The following MYO3B variants were observed in gnomAD, a reference collection of about 807,000 sequenced individuals.
MYO3B encodes the protein myosin-IIIb.
In MYO3B, 156 loss-of-function variants were observed where a neutral mutation model predicts 174.6. The observed-to-expected ratio is 0.89, with a 90% confidence interval of 0.78 to 1.02. The LOEUF is 1.02. Among genes scored for constraint, MYO3B ranks in the 50% least tolerant of loss-of-function variants. The probability of loss-of-function intolerance (pLI) is 0.00; values close to 1 mark genes in which losing one functional copy is unlikely to be tolerated. For synonymous variants in MYO3B, 563 were observed against 569.1 expected (o/e 0.99, Z 0.15); for missense variants, 1,632 against 1,639.4 (o/e 1.00, Z 0.08).
intron 22 of MYO3B, among the ~76,000 whole-genome samples, chr2:170,413,553 A>G (rs2094558984): frequency 6.6e-6 from 1 of 152,148 alleles, no homozygotes; most frequent in Non-Finnish European, 1.5e-5. Flanking sequence ...GAGACTGACT[A>G]GTGAGAGCCA....
intron 1 of MYO3B, among the ~76,000 whole-genome samples, chr2:170,193,778 T>A (rs963120223): frequency 1.3e-5 from 2 of 152,136 alleles, no homozygotes; most frequent in African/African-American, 4.8e-5. Flanking sequence ...AGTGAGAAAA[T>A]TAACATACAT....
At chr2:170,595,323 T>C (rs1344538028) in intron 32 of MYO3B, among the ~76,000 whole-genome samples, 1 of 152,218 alleles carries the variant, frequency 6.6e-6, no homozygotes, top group Non-Finnish European at 1.5e-5. Flanking sequence ...AGTTGTCTGG[T>C]GCAGCCTTAG....
chr2:170,369,450 C>T, intron 9 of MYO3B, 73 bp downstream of exon 9: 3 of 1,498,644 alleles, frequency 2.0e-6, no homozygotes, highest in Non-Finnish European at 2.7e-6. Context: ...TTGATTTGCC[C>T]AGCATTATTA....
rs560259108 is a variant in MYO3B, at chr2:170,267,898, G to C, written c.749+31762G>C. Among the ~76,000 whole-genome samples, 44 of 152,236 alleles carry C rather than the reference G, an allele frequency of 2.9e-4. 1 individual carries two copies. In the South Asian group the frequency reaches 8.5e-3, roughly 29 times the overall value. ...GGTTGGACAGAATCCATGTTGTAGG[G>C]AAAAAATGGATAAAGAAACTGTAGA... is the stretch of plus-strand genomic sequence containing the variant. On this transcript the variant is annotated intron_variant, in intron 7 of 34. Coordinates refer to ENST00000408978, the MANE Select transcript of MYO3B (RefSeq NM_138995.5).
intron 7 of MYO3B, among the ~76,000 whole-genome samples, chr2:170,261,093 G>A (rs2093342166): frequency 6.6e-6 from 1 of 152,102 alleles, no homozygotes; most frequent in South Asian, 2.1e-4. Flanking sequence ...ACACGATCTT[G>A]GCTCACCGCA....
At chr2:170,507,960 A>T (rs1687720268) in intron 28 of MYO3B, among the ~76,000 whole-genome samples, 1 of 152,180 alleles carries the variant, frequency 6.6e-6, no homozygotes, top group African/African-American at 2.4e-5. Context: ...ATGGAATAAA[A>T]TTATTGCCCA....
In MYO3B at chr2:170,369,237, T is replaced by C. The variant is rs1378474728; in HGVS notation, c.831T>C (p.Asp277=). The C allele has an allele frequency of 6.2e-7, 1 of 1,613,388 alleles. No individual in the cohort carries two copies. Among genetic ancestry groups the C allele is most frequent in the Non-Finnish European group, 8.5e-7 (1 of 1,179,514 alleles). Residue 277 remains aspartate (D), a synonymous_variant, in exon 9 of 35, where the codon GAT becomes GAC. Coordinates refer to ENST00000408978, the MANE Select transcript of MYO3B (RefSeq NM_138995.5). ...NHFISQCLIK[D]FERRPSVTHL... ...TTGCAAACAGGTGTCTTATTAAGGA[T>C]TTTGAAAGGCGACCTTCCGTCACAC...
At chr2:170,649,357 A>ATATATTATATATAAAATAATATATAT (rs1698806333) in intron 32 of MYO3B, among the ~76,000 whole-genome samples, 1 of 63,412 alleles carries the variant, frequency 1.6e-5, no homozygotes. Context: ...ATAATATATA[A>ATATATTATATATAAAATAATATATAT]TATATTATAT....
chr2:170,503,632 ATTTC>A (rs2106092185), intron 28 of MYO3B, among the ~76,000 whole-genome samples: 1 of 116,186 alleles, frequency 8.6e-6, no homozygotes, highest in Admixed American at 9.9e-5. Context: ...TAGAAAACAC[ATTTC>A]TTTAAGGGTG....
chr2:170,279,729 G>C (rs367817891), intron 7 of MYO3B, among the ~76,000 whole-genome samples: 4 of 152,084 alleles, frequency 2.6e-5, no homozygotes, highest in African/African-American at 9.7e-5. Context: ...TTGGTTTCCT[G>C]TTCCTGTGTT....
At chr2:170,626,653 T>C (rs1467921564) in intron 32 of MYO3B, among the ~76,000 whole-genome samples, 1 of 152,236 alleles carries the variant, frequency 6.6e-6, no homozygotes, top group Admixed American at 6.5e-5. Context: ...AGATGGTCTT[T>C]ACAATTTGGC....
chr2:170,380,282 GTA>G (rs35021200), intron 9 of MYO3B, among the ~76,000 whole-genome samples: 93,966 of 151,930 alleles, frequency 0.62, 30,350 homozygotes, highest in Non-Finnish European at 0.72. Context: ...AGTAATGTGT[GTA>G]GTTATGCAAA....
intron 25 of MYO3B, among the ~76,000 whole-genome samples, chr2:170,485,386 AACACAC>A (rs370436580): frequency 2.1e-3 from 282 of 136,750 alleles, no homozygotes; most frequent in Admixed American, 3.2e-3. Context: ...ATCCTTTCAG[AACACAC>A]ACACACACAC....
chr2:170,481,572 C>CA (rs1031655916), intron 25 of MYO3B, among the ~76,000 whole-genome samples: 11 of 150,312 alleles, frequency 7.3e-5, no homozygotes, highest in African/African-American at 1.5e-4. Flanking sequence ...TGAGATGTTT[C>CA]AAAAAAAAAT....
intron 6 of MYO3B, among the ~76,000 whole-genome samples, chr2:170,227,442 G>C (rs573697727): frequency 7.0e-5 from 10 of 141,992 alleles, no homozygotes; most frequent in Admixed American, 4.3e-4. Context: ...GTGCCACCAC[G>C]CCCCGCTAAT....
chr2:170,595,614 C>T (rs6719373), intron 32 of MYO3B, among the ~76,000 whole-genome samples: 14,211 of 151,864 alleles, frequency 0.094, 1,138 homozygotes, highest in African/African-American at 0.22. Context: ...AATTTTTGTA[C>T]GTTTTGTAGA....
At chr2:170,573,821 A>G (rs1692615328) in intron 32 of MYO3B, among the ~76,000 whole-genome samples, 1 of 152,206 alleles carries the variant, frequency 6.6e-6, no homozygotes, top group Non-Finnish European at 1.5e-5. Flanking sequence ...AATTTCTATC[A>G]ATCAACCATA....
chr2:170,392,100 G>GT (rs1315249745), intron 15 of MYO3B, among the ~76,000 whole-genome samples: 1 of 147,908 alleles, frequency 6.8e-6, no homozygotes, highest in Admixed American at 6.8e-5. Context: ...TCCAGCCTGG[G>GT]TGACAGAGCA....
At chr2:170,599,020 G>A (rs1044298234) in intron 32 of MYO3B, among the ~76,000 whole-genome samples, 3 of 152,158 alleles carry the variant, frequency 2.0e-5, no homozygotes, top group Admixed American at 6.5e-5. Context: ...GCCTACTGCA[G>A]GTCAGGCCCA....
Sources: gnomAD v4.1 joint callset for allele counts (sites outside exome capture counted in the v4.1 genomes callset) on GRCh38, gnomAD v4.1.1 for gene constraint, MANE v1.5 for transcripts, NCBI Gene and HGNC (gene_info 2026-07-23, HGNC 2026-07-21) for gene names.